OPCML: variants seen among roughly 807,000 people sequenced by gnomAD.
OPCML encodes opioid-binding protein/cell adhesion molecule.
OPCML carries 13 observed loss-of-function variants against 37.8 expected under a neutral mutation model. The ratio of observed to expected loss-of-function variants is 0.34; its 90% confidence interval spans 0.22 to 0.55. OPCML has a LOEUF of 0.55. Ranked by LOEUF, OPCML falls within the 20% of genes least tolerant of loss-of-function variation. The pLI, the probability that OPCML is intolerant of heterozygous loss-of-function variation, is 0.91. For missense variants in OPCML, 341 were observed against 435.6 expected (o/e 0.78, Z 1.93); for synonymous variants, 176 against 168.8 (o/e 1.04, Z -0.33).
chr11:133,530,982 A>G (rs1360291806), intron 1 of OPCML, among the ~76,000 whole-genome samples: 1 of 152,232 alleles, frequency 6.6e-6, no homozygotes, highest in Non-Finnish European at 1.5e-5. Context: ...TTTTACCTAT[A>G]AAAAGGCAGG....
chr11:133,464,072 A>C (rs1328678460), intron 1 of OPCML, among the ~76,000 whole-genome samples: 1 of 118,258 alleles, frequency 8.5e-6, no homozygotes, highest in Non-Finnish European at 1.5e-5. Context: ...ATCCCAACAG[A>C]TAAGAGGGAC....
Position 132,657,108 on chromosome 11 carries a change from G to T in OPCML, c.358C>A (p.Arg120=). The change falls in exon 3 of 8, where the codon CGG becomes AGG. Residue 120 remains arginine, a synonymous_variant. Coordinates refer to ENST00000524381, the MANE Select transcript of OPCML (RefSeq NM_001012393.5). The part of the protein sequence containing the change: ...VQTDNHPKTS[R]VHLIVQVPPQ... ...TTACCTTGCACTATTAGGTGAACCC[G>T]GGACGTTTTGGGATGATTGTCTGTC... 6.2e-7 allele frequency: 1 copy of T among 1,614,208 alleles called. No homozygotes were observed. Among genetic ancestry groups the T allele is most frequent in the Non-Finnish European group, 8.5e-7 (1 of 1,180,022 alleles).
chr11:132,999,403 G>A (rs2136840588), intron 1 of OPCML, among the ~76,000 whole-genome samples: 1 of 152,264 alleles, frequency 6.6e-6, no homozygotes, highest in African/African-American at 2.4e-5. Flanking sequence ...ATATCCCCAG[G>A]TGGTAAATAC....
chr11:132,815,075 C>G (rs546023456), intron 2 of OPCML, among the ~76,000 whole-genome samples: 1 of 152,200 alleles, frequency 6.6e-6, no homozygotes, highest in East Asian at 1.9e-4. Context: ...CCCATAAAAC[C>G]CTTTGCTGTA....
intron 2 of OPCML, among the ~76,000 whole-genome samples, chr11:132,778,876 TATAAG>T (rs1328612249): frequency 6.6e-6 from 1 of 151,628 alleles, no homozygotes; most frequent in African/African-American, 2.4e-5. Flanking sequence ...TGACAAAAAA[TATAAG>T]AGAATTTTAA....
intron 1 of OPCML, among the ~76,000 whole-genome samples, chr11:133,513,562 C>A (rs1262818584): frequency 6.6e-6 from 1 of 152,178 alleles, no homozygotes; most frequent in Admixed American, 6.5e-5. Context: ...TCCTTCCTTG[C>A]GCTTCCATAG....
intron 1 of OPCML, among the ~76,000 whole-genome samples, chr11:133,467,710 A>G (rs1437478605): frequency 6.6e-6 from 1 of 152,098 alleles, no homozygotes; most frequent in Admixed American, 6.5e-5. Context: ...GAATGGCAGA[A>G]CTGGTGAATA....
intron 1 of OPCML, among the ~76,000 whole-genome samples, chr11:133,077,495 G>A (rs1948641611): frequency 6.6e-6 from 1 of 152,154 alleles, no homozygotes. Context: ...AATCAATAAA[G>A]GGAAATGTCA....
intron 2 of OPCML, among the ~76,000 whole-genome samples, chr11:132,811,679 A>C (rs1332095635): frequency 6.6e-6 from 1 of 152,190 alleles, no homozygotes; most frequent in Non-Finnish European, 1.5e-5. Context: ...TGAACCCCCA[A>C]CAGCCTGCTG....
rs1384080118 is a variant in OPCML, at chr11:132,836,959, TG to T, written c.146+105966del. 2.0e-5 allele frequency among the ~76,000 whole-genome samples: 3 copies of T among 152,186 alleles called. No homozygotes were observed. The East Asian group carries it at 5.8e-4, about 29-fold the overall frequency. ...CCAAAGGAGCCACAAGAAAATCAAGTGAACGATCACAGAGGGAAAGTGCGTG... is the reference window on the plus strand; with the variant it reads ...CCAAAGGAGCCACAAGAAAATCAAGTAACGATCACAGAGGGAAAGTGCGTG... On this transcript the variant is annotated intron_variant, in intron 2 of 7. Coordinates refer to ENST00000524381, the MANE Select transcript of OPCML (RefSeq NM_001012393.5).
At chr11:133,435,585 T>C (rs1946217096) in intron 1 of OPCML, among the ~76,000 whole-genome samples, 1 of 152,214 alleles carries the variant, frequency 6.6e-6, no homozygotes, top group Non-Finnish European at 1.5e-5. Flanking sequence ...ATAGGCTTTC[T>C]AGAGATCAAA....
rs531497017 is a variant in OPCML, at chr11:133,255,025, A to G, written c.61+277239T>C. Among the ~76,000 whole-genome samples, 300 of 152,332 alleles carry G rather than the reference A, an allele frequency of 2.0e-3. 2 individuals are homozygous for G. The highest frequency in any genetic ancestry group is 6.6e-3 in the African/African-American group (274 of 41,584). On this transcript the variant is annotated intron_variant, in intron 1 of 7. Coordinates refer to ENST00000524381, the MANE Select transcript of OPCML (RefSeq NM_001012393.5). ...GGTTTTTTAAATCCACCATTGTAAT[A>G]GGATGTAATGAAGATTTAAGCTTTA...
intron 4 of OPCML, among the ~76,000 whole-genome samples, chr11:132,514,188 A>G (rs1394808676): frequency 6.6e-6 from 1 of 152,202 alleles, no homozygotes; most frequent in African/African-American, 2.4e-5. Flanking sequence ...ATGTCAATAA[A>G]TTTAAAGGAT....
chr11:132,785,891 T>C (rs1379619403), intron 2 of OPCML, among the ~76,000 whole-genome samples: 1 of 152,230 alleles, frequency 6.6e-6, no homozygotes, highest in Non-Finnish European at 1.5e-5. Flanking sequence ...AGCCAATCAG[T>C]TGACATTTTT....
At chr11:132,939,914 GAAGCTAT>G (rs1486868644) in intron 2 of OPCML, among the ~76,000 whole-genome samples, 1 of 152,218 alleles carries the variant, frequency 6.6e-6, no homozygotes, top group Non-Finnish European at 1.5e-5. Flanking sequence ...CAGATTCATG[GAAGCTAT>G]AATTCAACCA....
At chr11:133,043,460 C>T (rs543532845) in intron 1 of OPCML, among the ~76,000 whole-genome samples, 1 of 152,308 alleles carries the variant, frequency 6.6e-6, no homozygotes, top group Non-Finnish European at 1.5e-5. Context: ...CCCTTTCTGC[C>T]TTCTTCATGA....
At chr11:133,279,087 C>A (rs116748217) in intron 1 of OPCML, among the ~76,000 whole-genome samples, 6 of 152,140 alleles carry the variant, frequency 3.9e-5, no homozygotes, top group Non-Finnish European at 8.8e-5. Flanking sequence ...TAGTAGTCCA[C>A]GGCTAATAGG....
intron 2 of OPCML, among the ~76,000 whole-genome samples, chr11:132,910,849 A>T (rs2725428): frequency 6.6e-6 from 1 of 152,056 alleles, no homozygotes; most frequent in Non-Finnish European, 1.5e-5. Context: ...CTTCTTACAA[A>T]CCCTCAGGAC....
At chr11:132,820,711 A>G (rs527625361) in intron 2 of OPCML, among the ~76,000 whole-genome samples, 108 of 152,304 alleles carry the variant, frequency 7.1e-4, no homozygotes, top group Admixed American at 1.6e-3. Context: ...TTGAAGCTGT[A>G]TCTCAGGCAG....
Sources: allele counts gnomAD v4.1 joint callset (sites outside exome capture counted in the v4.1 genomes callset), GRCh38; gene constraint gnomAD v4.1.1; transcripts MANE v1.5; gene names NCBI Gene and HGNC (gene_info 2026-07-23, HGNC 2026-07-21).